The following NXPE2 variants were observed in gnomAD, a reference collection of about 807,000 sequenced individuals.
NXPE2 encodes NXPE family member 2.
A neutral mutation model predicts 34.4 loss-of-function variants in NXPE2; 34 were observed. That is an observed-to-expected ratio of 0.99 (90% CI 0.75 to 1.31). The LOEUF (loss-of-function observed/expected upper bound fraction) is 1.31. Ranked by LOEUF, NXPE2 falls within the 40% of genes most tolerant of loss-of-function variation. The pLI is 0.00. For missense variants in NXPE2, 649 were observed against 672.5 expected (o/e 0.97, Z 0.39); for synonymous variants, 235 against 231.3 (o/e 1.02, Z -0.15).
At chr11:114,557,780 TC>T in the NXPE2 span, among the ~76,000 whole-genome samples, 1 of 151,560 alleles carries the variant, frequency 6.6e-6, no homozygotes, top group South Asian at 2.1e-4. Context: ...TCAAGAACTA[TC>T]TTTAATATTC....
the NXPE2 span, among the ~76,000 whole-genome samples, chr11:114,581,287 G>A: frequency 3.3e-5 from 5 of 152,124 alleles, 1 homozygote; most frequent in South Asian, 8.3e-4. Flanking sequence ...TTGAAAGGTG[G>A]CAAAGATCAA....
chr11:114,501,103 C>T, the NXPE2 span, among the ~76,000 whole-genome samples: 7 of 152,194 alleles, frequency 4.6e-5, no homozygotes, highest in South Asian at 2.1e-4. Flanking sequence ...TCAGCAATGA[C>T]GCCAAATAGT....
chr11:114,475,157 T>C, the NXPE2 span, among the ~76,000 whole-genome samples: 1 of 140,834 alleles, frequency 7.1e-6, no homozygotes, highest in Non-Finnish European at 1.6e-5. Flanking sequence ...TTTGGGTCAG[T>C]TTCCAACATT....
the NXPE2 span, among the ~76,000 whole-genome samples, chr11:114,797,602 G>A: frequency 1.3e-5 from 2 of 152,132 alleles, no homozygotes; most frequent in South Asian, 2.1e-4. Flanking sequence ...CTCAACACAT[G>A]TTGTCTCAGC....
the NXPE2 span, among the ~76,000 whole-genome samples, chr11:114,769,893 T>C: frequency 7.2e-5 from 11 of 152,170 alleles, no homozygotes; most frequent in Admixed American, 5.2e-4. Context: ...TAAACCACCA[T>C]GGCACATGTA....
At chr11:114,578,223 TGGA>T in the NXPE2 span, among the ~76,000 whole-genome samples, 1 of 152,220 alleles carries the variant, frequency 6.6e-6, no homozygotes. Context: ...TAGGGTGAGT[TGGA>T]AGAAAATGGC....
chr11:114,745,789 A>C, the NXPE2 span, among the ~76,000 whole-genome samples: 1 of 152,148 alleles, frequency 6.6e-6, no homozygotes, highest in African/African-American at 2.4e-5. Context: ...AAATAAGAGA[A>C]AAATTAGGTG....
At chr11:114,706,088 T>C in intron 5 of NXPE2, 92 bp downstream of exon 5, 1 of 409,980 alleles carries the variant, frequency 2.4e-6, no homozygotes, top group Non-Finnish European at 3.9e-6. Context: ...TTCTAATATT[T>C]ATTTTATTTT....
the NXPE2 span, among the ~76,000 whole-genome samples, chr11:114,807,300 A>C: frequency 3.2e-4 from 48 of 152,046 alleles, 1 homozygote; most frequent in African/African-American, 1.1e-3. Flanking sequence ...GCAAAATAAC[A>C]AGCTAACATC....
chr11:114,532,334 T>C, the NXPE2 span, among the ~76,000 whole-genome samples: 11 of 152,182 alleles, frequency 7.2e-5, no homozygotes, highest in Non-Finnish European at 1.6e-4. Context: ...ATAAATGAAA[T>C]TCCCCCAAAA....
the NXPE2 span, among the ~76,000 whole-genome samples, chr11:114,801,714 A>T: frequency 3.9e-5 from 6 of 152,136 alleles, no homozygotes; most frequent in African/African-American, 1.2e-4. Flanking sequence ...TTTTAGAGGA[A>T]AAACCAGCAG....
At chr11:114,775,880 G>GAAA in the NXPE2 span, among the ~76,000 whole-genome samples, 4,688 of 144,060 alleles carry the variant, frequency 0.033, 85 homozygotes, top group African/African-American at 0.042. Flanking sequence ...ACAAAAAAAC[G>GAAA]AAAAAAAAAA....
the NXPE2 span, chr11:114,582,514 C>T: frequency 6.2e-7 from 1 of 1,614,156 alleles, no homozygotes. Flanking sequence ...GTGAAGATCA[C>T]CCTGTCATAG....
At chr11:114,489,535 A>G in the NXPE2 span, among the ~76,000 whole-genome samples, 1 of 152,232 alleles carries the variant, frequency 6.6e-6, no homozygotes, top group South Asian at 2.1e-4. Context: ...CATCCCTGGG[A>G]TGCAAGGCTG....
At chr11:114,570,523 A>G in the NXPE2 span, 2 of 156,610 alleles carry the variant, frequency 1.3e-5, no homozygotes, top group Admixed American at 6.3e-5. Context: ...TTGCCTCACA[A>G]GACTTCTCTT....
the NXPE2 span, among the ~76,000 whole-genome samples, chr11:114,499,663 TTG>T: frequency 4.8e-4 from 73 of 152,298 alleles, no homozygotes; most frequent in African/African-American, 1.7e-3. Context: ...CATATGTTAA[TTG>T]TGCAGTTTGG....
chr11:114,783,229 G>T, the NXPE2 span, among the ~76,000 whole-genome samples: 1 of 152,164 alleles, frequency 6.6e-6, no homozygotes, highest in Non-Finnish European at 1.5e-5. Context: ...CTTTGTGGTT[G>T]CCCAAAGTAA....
At chr11:114,630,369 C>G in the NXPE2 span, among the ~76,000 whole-genome samples, 1 of 151,758 alleles carries the variant, frequency 6.6e-6, no homozygotes, top group Non-Finnish European at 1.5e-5. Context: ...AATAACACCA[C>G]ATTTCTACAA....
At chr11:114,668,541 C>G in the NXPE2 span, among the ~76,000 whole-genome samples, 4 of 152,050 alleles carry the variant, frequency 2.6e-5, no homozygotes, top group South Asian at 4.1e-4. Flanking sequence ...TCAGCCTTCT[C>G]TAACTGGAGA....
Sources: gnomAD v4.1 joint callset for allele counts (sites outside exome capture counted in the v4.1 genomes callset) on GRCh38, gnomAD v4.1.1 for gene constraint, MANE v1.5 for transcripts, NCBI Gene and HGNC (gene_info 2026-07-23, HGNC 2026-07-21) for gene names.